Variants in NRIP3 observed in about 807,000 individuals in gnomAD.
NRIP3 encodes nuclear receptor interacting protein 3, also known as nuclear receptor-interacting protein 3.
Under a neutral mutation model 29.0 loss-of-function variants are expected in NRIP3, and 31 were observed. That is an observed-to-expected ratio of 1.07 (90% CI 0.80 to 1.44). The LOEUF (loss-of-function observed/expected upper bound fraction) is 1.44, where lower values mean the gene tolerates loss of function less well. Ranked by LOEUF, NRIP3 falls within the 40% of genes most tolerant of loss-of-function variation. NRIP3 has a pLI of 0.00. For missense variants in NRIP3, 314 were observed against 297.9 expected (o/e 1.05, Z -0.40); for synonymous variants, 131 against 118.3 (o/e 1.11, Z -0.70).
intron 1 of NRIP3, among the ~76,000 whole-genome samples, chr11:8,996,275 C>CTTTTTTTTTTTTT (rs386373056): frequency 1.6e-4 from 13 of 82,944 alleles, no homozygotes; most frequent in East Asian, 4.1e-4. Flanking sequence ...CCTTTTTTTC[C>CTTTTTTTTTTTTT]TTTTTTTTTT....
intron 1 of NRIP3, among the ~76,000 whole-genome samples, chr11:8,999,421 A>G (rs942675328): frequency 6.6e-6 from 1 of 152,174 alleles, no homozygotes. Flanking sequence ...GCCCCTTTAC[A>G]GTGTAACCCA....
intron 6 of NRIP3, 46 bp from the exon 7 acceptor site, chr11:8,983,606 A>T: frequency 6.3e-7 from 1 of 1,598,704 alleles, no homozygotes; most frequent in Non-Finnish European, 8.6e-7. Flanking sequence ...CAAATTCAAA[A>T]AAAGTTAAGC....
intron 1 of NRIP3, among the ~76,000 whole-genome samples, chr11:8,997,355 C>CAAAAAAAA (rs11324721): frequency 5.0e-5 from 5 of 100,850 alleles, no homozygotes; most frequent in African/African-American, 1.3e-4. Flanking sequence ...GACTCCGTCT[C>CAAAAAAAA]AAAAAAAAAA....
chr11:8,981,846 A>G lies in NRIP3; in HGVS notation c.*1699T>C, dbSNP rs1302886327. ...GGAAGGGGGCCTAGGGAATGACCCC[A>G]TGACAACTGACTGCAGTATGGCTGC... On this transcript the variant is annotated 3_prime_UTR_variant, in exon 7 of 7. Coordinates refer to ENST00000309166, the MANE Select transcript of NRIP3 (RefSeq NM_020645.3). The G allele has an allele frequency of 6.6e-6, 1 of 152,214 alleles. No homozygotes were observed. The highest frequency in any genetic ancestry group is 1.5e-5 in the Non-Finnish European group (1 of 68,032). The allele number at this position is 152,214 out of a possible 1,614,324, so 9.4% of individuals were successfully genotyped here.
chr11:8,997,251 T>G (rs551154544), intron 1 of NRIP3, among the ~76,000 whole-genome samples: 5 of 145,158 alleles, frequency 3.4e-5, no homozygotes, highest in South Asian at 2.3e-4. Flanking sequence ...GGTGGGTGTC[T>G]GTAATCCCAG....
Position 8,983,243 on chromosome 11 carries a change from A to T in NRIP3, c.*302T>A. On this transcript the variant is annotated 3_prime_UTR_variant, in exon 7 of 7. Transcript: ENST00000309166. ...AACCTGGCAGCCCCTATACTTGACTAATAAAAGCAAATTCCTGGAAGAAGC... is the reference window on the plus strand; with the variant it reads ...AACCTGGCAGCCCCTATACTTGACTTATAAAAGCAAATTCCTGGAAGAAGC... 1 of 491,320 alleles carries T rather than the reference A, an allele frequency of 2.0e-6. No individual in the cohort carries two copies. Among genetic ancestry groups the T allele is most frequent in the South Asian group, 2.4e-5 (1 of 41,012 alleles). 30.4% of individuals were successfully genotyped at this position (491,320 alleles called of 1,614,324 possible).
intron 1 of NRIP3, among the ~76,000 whole-genome samples, chr11:8,999,721 C>A (rs114612725): frequency 0.022 from 3,306 of 152,250 alleles, 121 homozygotes; most frequent in African/African-American, 0.076. Flanking sequence ...AGCACAGTGA[C>A]ACCTCAGTCC....
At chr11:8,988,070 C>T in intron 2 of NRIP3, 48 bp downstream of exon 2, 2 of 1,590,856 alleles carry the variant, frequency 1.3e-6, no homozygotes, top group Admixed American at 1.7e-5. Context: ...GAGGGCCCCA[C>T]ATCCTACTTT....
At chr11:8,990,595 G>T (rs549463053) in intron 1 of NRIP3, among the ~76,000 whole-genome samples, 4 of 152,216 alleles carry the variant, frequency 2.6e-5, no homozygotes, top group African/African-American at 9.6e-5. Context: ...AGACCAGCCT[G>T]TCCAACATGG....
intron 1 of NRIP3, among the ~76,000 whole-genome samples, chr11:8,996,895 A>G (rs997867985): frequency 6.6e-6 from 1 of 151,888 alleles, no homozygotes; most frequent in Non-Finnish European, 1.5e-5. Context: ...TACAAAAACA[A>G]TTTTTTTTAA....
chr11:8,984,129 TAAA>T lies in NRIP3; in HGVS notation c.563-8_563-6del. 1 of 1,603,458 alleles carries T rather than the reference TAAA, an allele frequency of 6.2e-7. No individual in the cohort carries two copies. Among genetic ancestry groups the T allele is most frequent in the Non-Finnish European group, 8.5e-7 (1 of 1,171,058 alleles). The stretch of plus-strand genomic sequence containing the variant: ...ACAAGTTTTTCTCATTGTCATCTAA[TAAA>T]AACAAAAAAATGATTAAGATTTAGC... On this transcript the variant is annotated splice_polypyrimidine_tract_variant and splice_region_variant and intron_variant, in intron 4 of 6. Coordinates refer to ENST00000309166, the MANE Select transcript of NRIP3 (RefSeq NM_020645.3).
intron 1 of NRIP3, among the ~76,000 whole-genome samples, chr11:8,989,675 T>G (rs938003908): frequency 2.0e-5 from 3 of 152,248 alleles, no homozygotes; most frequent in African/African-American, 7.2e-5. Flanking sequence ...GCTTCTTAGC[T>G]TGACTAGGAG....
chr11:8,983,808 CACCACCA>C (rs1854460764), intron 6 of NRIP3, 60 bp downstream of exon 6: 1 of 1,339,346 alleles, frequency 7.5e-7, no homozygotes, highest in African/African-American at 1.4e-5. Context: ...GTCTGAGAAC[CACCACCA>C]CCCTGCTCGC....
chr11:8,985,699 AAT>A lies in NRIP3; in HGVS notation c.562+10_562+11del. On this transcript the variant is annotated intron_variant, in intron 4 of 6. Coordinates refer to ENST00000309166, the MANE Select transcript of NRIP3 (RefSeq NM_020645.3). ...GTTAGGGTCCATAGGTCCAGCCCTC[AAT>A]TCTGCTTACCAACCACAGCTGCTGG... The A allele has an allele frequency of 6.2e-7, 1 of 1,613,154 alleles. No individual in the cohort carries two copies. Among genetic ancestry groups the A allele is most frequent in the South Asian group, 1.1e-5 (1 of 91,006 alleles).
At position 8,987,551 on chromosome 11, in the gene NRIP3, A is replaced by G; in HGVS notation, c.419T>C (p.Leu140Ser). The change falls in exon 3 of 7, where the codon TTG (leucine) becomes TCG (serine). Residue 140 changes from leucine to serine, a missense_variant. Leu to Ser is a moderately radical substitution (Grantham distance 145, BLOSUM62 -2). Transcript: ENST00000309166. ...CTCAGCACAAGTGCCTACTTACCCC[A>G]ATCTGTCCACACAGGCCAAAGAGAT... ...NLISLACVDR[L>S]GLKEHVKSHK... 6.2e-7 allele frequency: 1 copy of G among 1,612,728 alleles called. No individual in the cohort carries two copies. Among genetic ancestry groups the G allele is most frequent in the African/African-American group, 1.3e-5 (1 of 75,002 alleles).
At position 8,988,189 on chromosome 11, in the gene NRIP3, T is replaced by A; in HGVS notation, c.268A>T (p.Lys90Ter). ...PRVPWASKTN[K>*]LNQAKSEGLK... Reference sequence around the variant, plus strand: ...CCCTCAGACTTAGCCTGATTGAGTTTGTTCGTCTTAGAGGCCCAAGGGACA... The same window carrying A: ...CCCTCAGACTTAGCCTGATTGAGTTAGTTCGTCTTAGAGGCCCAAGGGACA... Residue 90 changes from lysine (K) to a stop codon, truncating the protein, a stop_gained, in exon 2 of 7, where the codon AAA becomes TAA. Coordinates refer to ENST00000309166, the MANE Select transcript of NRIP3 (RefSeq NM_020645.3). LOFTEE classifies it high-confidence loss of function. The A allele has an allele frequency of 6.2e-7, 1 of 1,614,192 alleles. No individual in the cohort carries two copies.
intron 1 of NRIP3, among the ~76,000 whole-genome samples, chr11:8,997,896 A>G (rs533397864): frequency 6.6e-6 from 1 of 152,336 alleles, no homozygotes; most frequent in African/African-American, 2.4e-5. Context: ...CCAAACTAGA[A>G]AACAGAGGAA....
In NRIP3 at chr11:8,983,891, A is replaced by T. The variant is rs756000464; in HGVS notation, c.694T>A (p.Ser232Thr). 5 of 1,614,032 alleles carry T rather than the reference A, an allele frequency of 3.1e-6. No homozygotes were observed. The highest frequency in any genetic ancestry group is 3.3e-5 in the Admixed American group (2 of 60,008). ...KEEIPFVETV[S>T]LNEDNTSEA ...GGCACTCACTTGTCTTCATTCAAAGAGACTGTCTCCACAAAAGGGATTTCT... is the reference window on the plus strand; with the variant it reads ...GGCACTCACTTGTCTTCATTCAAAGTGACTGTCTCCACAAAAGGGATTTCT... Residue 232 changes from serine (S) to threonine (T), a missense_variant, in exon 6 of 7, where the codon TCT becomes ACT. By Grantham distance (58) the Ser-to-Thr change is moderately conservative. Transcript: ENST00000309166.
rs919664405 is a variant in NRIP3, at chr11:8,983,919, C to G, written c.666G>C (p.Lys222Asn). The change falls in exon 6 of 7, where the codon AAG becomes AAC. Residue 222 changes from lysine to asparagine, a missense_variant. Transcript: ENST00000309166. ...KHRLIMGKTDKEEIPFVETVS... is the reference protein window; with the variant it reads ...KHRLIMGKTDNEEIPFVETVS... Reference sequence around the variant, plus strand: ...CTGTCTCCACAAAAGGGATTTCTTCCTTGTCTGTCTTCCCCATGATCAGCC... The same window carrying G: ...CTGTCTCCACAAAAGGGATTTCTTCGTTGTCTGTCTTCCCCATGATCAGCC... 1 of 1,614,088 alleles carries G rather than the reference C, an allele frequency of 6.2e-7. No homozygotes were observed. Among genetic ancestry groups the G allele is most frequent in the Non-Finnish European group, 8.5e-7 (1 of 1,180,052 alleles).
Sources: allele counts gnomAD v4.1 joint callset (sites outside exome capture counted in the v4.1 genomes callset), GRCh38; gene constraint gnomAD v4.1.1; transcripts MANE v1.5; gene names NCBI Gene and HGNC (gene_info 2026-07-23, HGNC 2026-07-21).